The following BRCA1 variants were observed in gnomAD, a reference collection of about 807,000 sequenced individuals.
The protein encoded by BRCA1 is breast cancer type 1 susceptibility protein.
In BRCA1, 140 loss-of-function variants were observed where a neutral mutation model predicts 173.7. That is an observed-to-expected ratio of 0.81 (90% CI 0.70 to 0.93). The LOEUF (loss-of-function observed/expected upper bound fraction) is 0.93. Among genes scored for constraint, BRCA1 ranks in the 40% least tolerant of loss-of-function variants. The pLI is 0.00. For synonymous variants in BRCA1, 662 were observed against 756.0 expected, an observed-to-expected ratio of 0.88 and a Z score of 2.04; for missense variants, 1,983 against 2,172.5, an observed-to-expected ratio of 0.91 and a Z score of 1.73.
At chr17:43,052,823 ACT>A (rs781493445) in intron 19 of BRCA1, among the ~76,000 whole-genome samples, 22,223 of 71,288 alleles carry the variant, frequency 0.31, 2,026 homozygotes, top group Non-Finnish European at 0.36. Context: ...ACACACACAC[ACT>A]CTCTTACTTT....
chr17:43,113,917 A>G (rs2055148908), intron 3 of BRCA1, among the ~76,000 whole-genome samples: 1 of 152,132 alleles, frequency 6.6e-6, no homozygotes, highest in South Asian at 2.1e-4. Context: ...TCGACTAAAA[A>G]TACAAAAATT....
intron 1 of BRCA1, among the ~76,000 whole-genome samples, chr17:43,141,997 C>T (rs568929370): frequency 2.9e-4 from 44 of 152,032 alleles, no homozygotes; most frequent in African/African-American, 3.9e-4. Context: ...CTGCAACCTC[C>T]GTCTCCTGGG....
chr17:43,094,639 T>C lies in BRCA1; in HGVS notation c.892A>G (p.Asn298Asp). The C allele has an allele frequency of 1.9e-6, 3 of 1,614,214 alleles. No homozygotes were observed. Among genetic ancestry groups the C allele is most frequent in the Non-Finnish European group, 2.5e-6 (3 of 1,180,034 alleles). Residue 298 changes from asparagine (N) to aspartate (D), a missense_variant, in exon 10 of 23, where the codon AAT becomes GAT. By Grantham distance (23) the Asn-to-Asp change is conservative. Transcript: ENST00000357654. ...TTACAGAATTCAGCCTTTTCTACAT[T>C]CATTCTGTCTTTAGTGAGTAATAAA... is the stretch of plus-strand genomic sequence containing the variant. ...SSLLLTKDRMNVEKAEFCNKS... is the reference protein window; with the variant it reads ...SSLLLTKDRMDVEKAEFCNKS...
intron 1 of BRCA1, chr17:43,132,810 C>T: frequency 6.6e-6 from 1 of 152,082 alleles, no homozygotes; most frequent in Non-Finnish European, 1.5e-5. Flanking sequence ...GTCGCCCAGG[C>T]TGGAGTGTAG....
chr17:43,143,756 A>T (rs1423699054), intron 1 of BRCA1, among the ~76,000 whole-genome samples: 1 of 152,118 alleles, frequency 6.6e-6, no homozygotes, highest in Non-Finnish European at 1.5e-5. Flanking sequence ...GGGAGAGGCT[A>T]GGGCAGTACA....
chr17:43,082,423 T>C lies in BRCA1; in HGVS notation c.4338A>G (p.Glu1446=), dbSNP rs1555584018. The change falls in exon 12 of 23, where the codon GAA becomes GAG. Residue 1446 remains glutamate, a synonymous_variant. Transcript: ENST00000357654. ...SSALEDLRNP[E]QSTSEKAVLT... The stretch of plus-strand genomic sequence containing the variant: ...ACACACCTTTTTCTGATGTGCTTTG[T>C]TCTGGATTTCGCAGGTCCTCAAGGG... 6.2e-7 allele frequency: 1 copy of C among 1,614,130 alleles called. No individual in the cohort carries two copies. The highest frequency in any genetic ancestry group is 8.5e-7 in the Non-Finnish European group (1 of 1,179,992).
chr17:43,056,381 G>A (rs1007599584), intron 19 of BRCA1, among the ~76,000 whole-genome samples: 23 of 152,218 alleles, frequency 1.5e-4, no homozygotes, highest in Non-Finnish European at 7.4e-5. Context: ...GTTTTGCCAT[G>A]TTGCCCAGGC....
At chr17:43,069,945 A>C (rs772874662) in intron 15 of BRCA1, among the ~76,000 whole-genome samples, 49 of 152,200 alleles carry the variant, frequency 3.2e-4, no homozygotes, top group Middle Eastern at 3.4e-3. Context: ...TCTTCTTCTT[A>C]TTATTGAGAC....
intron 13 of BRCA1, among the ~76,000 whole-genome samples, chr17:43,075,601 C>A (rs980393078): frequency 6.6e-6 from 1 of 151,510 alleles, no homozygotes; most frequent in Non-Finnish European, 1.5e-5. Context: ...CTTGCTCTGT[C>A]GCCCAGGCTG....
chr17:43,168,935 T>A (rs1233666999), intron 1 of BRCA1, among the ~76,000 whole-genome samples: 1 of 152,140 alleles, frequency 6.6e-6, no homozygotes, highest in Non-Finnish European at 1.5e-5. Context: ...AAGGCCTCCC[T>A]GCCCCTAGCC....
chr17:43,053,098 G>A (rs2051318688), intron 19 of BRCA1, among the ~76,000 whole-genome samples: 1 of 151,912 alleles, frequency 6.6e-6, no homozygotes, highest in South Asian at 2.1e-4. Flanking sequence ...GGCTGGTCTT[G>A]AACTCCTGAC....
intron 3 of BRCA1, among the ~76,000 whole-genome samples, chr17:43,107,410 T>C (rs2054845884): frequency 7.0e-6 from 1 of 142,182 alleles, no homozygotes. Context: ...TGAGACAGAC[T>C]CACTCTATCA....
chr17:43,090,950 G>C lies in BRCA1; in HGVS notation c.4179C>G (p.Thr1393=), dbSNP rs753735698. The C allele has an allele frequency of 1.2e-6, 2 of 1,609,654 alleles. No homozygotes were observed. The highest frequency in any genetic ancestry group is 4.5e-5 in the East Asian group (2 of 44,844). ...SGLSSQSDIL[T]TQQRDTMQHN... Reference sequence around the variant, plus strand: ...ACACACACACGCTTTTTACCTGAGTGGTTAAAATGTCACTCTGAGAGGATA... The same window carrying C: ...ACACACACACGCTTTTTACCTGAGTCGTTAAAATGTCACTCTGAGAGGATA... Residue 1393 remains threonine (T), a synonymous_variant, in exon 11 of 23, where the codon ACC becomes ACG. Transcript: ENST00000357654.
At chr17:43,046,871 T>C (rs1331988386) in intron 22 of BRCA1, among the ~76,000 whole-genome samples, 2 of 151,816 alleles carry the variant, frequency 1.3e-5, no homozygotes, top group African/African-American at 2.4e-5. Context: ...TGTATTAACA[T>C]GAACTTCAAT....
rs974267817 is a variant in BRCA1, at chr17:43,075,544, T to G, written c.4484+944A>C. Among the ~76,000 whole-genome samples, 11 of 152,204 alleles carry G rather than the reference T, an allele frequency of 7.2e-5. No individual in the cohort carries two copies. In the East Asian group the frequency reaches 2.1e-3, roughly 29 times the overall value. On this transcript the variant is annotated intron_variant, in intron 13 of 22. Coordinates refer to ENST00000357654, the MANE Select transcript of BRCA1 (RefSeq NM_007294.4). ...CCCTGGATTGAAGATGGGTGAGACC[T>G]GAATTACTGCTCTCTCTCTCTTTTT...
chr17:43,079,219 G>A (rs2052885991), intron 12 of BRCA1: 3 of 799,452 alleles, frequency 3.8e-6, no homozygotes, highest in East Asian at 2.6e-5. Context: ...GAAAGGCAGA[G>A]GGAAGGCTCA....
intron 14 of BRCA1, among the ~76,000 whole-genome samples, chr17:43,073,566 C>T (rs1226408825): frequency 2.0e-5 from 3 of 151,886 alleles, no homozygotes; most frequent in South Asian, 4.2e-4. Flanking sequence ...GATTTACAAG[C>T]CATAAAACAC....
intron 1 of BRCA1, among the ~76,000 whole-genome samples, chr17:43,169,376 T>C (rs191810703): frequency 1.3e-5 from 2 of 152,090 alleles, no homozygotes; most frequent in African/African-American, 2.4e-5. Flanking sequence ...ACCACGATGG[T>C]CAGGCTGGTC....
chr17:43,095,031 C>G (rs1352465664), intron 9 of BRCA1, among the ~76,000 whole-genome samples, 171 bp from the exon 10 acceptor site: 1 of 152,094 alleles, frequency 6.6e-6, no homozygotes, highest in Middle Eastern at 3.2e-3. Context: ...CATTTAATTC[C>G]TATTTACCTA....
Sources: allele counts gnomAD v4.1 joint callset (sites outside exome capture counted in the v4.1 genomes callset), GRCh38; gene constraint gnomAD v4.1.1; transcripts MANE v1.5; gene names NCBI Gene and HGNC (gene_info 2026-07-23, HGNC 2026-07-21).